The following GPATCH2 variants were observed in gnomAD, a reference collection of about 807,000 sequenced individuals.
GPATCH2 encodes the protein G patch domain-containing protein 2.
In GPATCH2, 51 loss-of-function variants were observed where a neutral mutation model predicts 58.0. That is an observed-to-expected ratio of 0.88 (90% CI 0.70 to 1.11). The LOEUF (loss-of-function observed/expected upper bound fraction) is 1.11. GPATCH2 is among the 50% of genes most tolerant of loss of function. The probability of loss-of-function intolerance (pLI) is 0.00; values close to 1 mark genes in which losing one functional copy is unlikely to be tolerated. For synonymous variants in GPATCH2, 222 were observed against 218.5 expected (o/e 1.02, Z -0.14); for missense variants, 625 against 652.2 (o/e 0.96, Z 0.45).
intron 5 of GPATCH2, among the ~76,000 whole-genome samples, chr1:217,520,010 A>C (rs528476145): frequency 6.6e-6 from 1 of 152,266 alleles, no homozygotes; most frequent in South Asian, 2.1e-4. Flanking sequence ...AATATTAGTA[A>C]ATATAATTCA....
Position 217,523,806 on chromosome 1 carries a change from A to ACC in GPATCH2, c.1099-8919_1099-8918dup, listed in dbSNP as rs558452828. 6.8e-4 allele frequency among the ~76,000 whole-genome samples: 90 copies of ACC among 131,724 alleles called. 1 individual carries two copies. Among genetic ancestry groups the ACC allele is most frequent in the East Asian group, 3.9e-3 (16 of 4,094 alleles). 86.4% of individuals were successfully genotyped at this position (131,724 alleles called of 152,430 possible). ...GGGCGGCTGGCCAGGTGGGGGGCTGACCCCCCCACCTCCCTCCTGGACGGG... is the reference window on the plus strand; with the variant it reads ...GGGCGGCTGGCCAGGTGGGGGGCTGACCCCCCCCCACCTCCCTCCTGGACGGG... On this transcript the variant is annotated intron_variant, in intron 5 of 9. Transcript: ENST00000366935.
intron 1 of GPATCH2, among the ~76,000 whole-genome samples, chr1:217,624,130 C>T (rs568513584): frequency 6.6e-6 from 1 of 152,280 alleles, no homozygotes; most frequent in Admixed American, 6.5e-5. Flanking sequence ...TAACTACACT[C>T]TCCTCCAAGT....
At chr1:217,619,234 T>C (rs1442225603) in intron 2 of GPATCH2, among the ~76,000 whole-genome samples, 1 of 148,038 alleles carries the variant, frequency 6.8e-6, no homozygotes. Context: ...CACAGGACCA[T>C]TGTTTTTCCT....
rs897704262 is a variant in GPATCH2 at position 217,450,411 on chromosome 1, T to C, written c.1278-1074A>G. On this transcript the variant is annotated intron_variant, in intron 8 of 9. Transcript: ENST00000366935. Reference sequence around the variant, plus strand: ...TTCAAGGTATATATTTAAACACATATACTCATATGGTTAAATATAATGAAA... The same window carrying C: ...TTCAAGGTATATATTTAAACACATACACTCATATGGTTAAATATAATGAAA... Among the ~76,000 whole-genome samples, 21 of 152,126 alleles carry C rather than the reference T, an allele frequency of 1.4e-4. 1 individual carries two copies. The highest frequency in any genetic ancestry group is 2.2e-4 in the Non-Finnish European group (15 of 67,986).
chr1:217,433,082 C>T (rs1359220140), intron 9 of GPATCH2, among the ~76,000 whole-genome samples: 1 of 152,060 alleles, frequency 6.6e-6, no homozygotes, highest in Non-Finnish European at 1.5e-5. Context: ...CACCCTGCCC[C>T]TATCCCTTTC....
At chr1:217,488,697 C>G (rs896114758) in intron 8 of GPATCH2, among the ~76,000 whole-genome samples, 2 of 151,522 alleles carry the variant, frequency 1.3e-5, no homozygotes, top group African/African-American at 4.9e-5. Flanking sequence ...TTTTAAAAAA[C>G]TATTTTTTTT....
chr1:217,591,311 G>A (rs889838084), intron 5 of GPATCH2, among the ~76,000 whole-genome samples: 17 of 151,884 alleles, frequency 1.1e-4, no homozygotes, highest in African/African-American at 3.1e-4. Context: ...TTGTGTGTAC[G>A]TGTGTGTGTG....
chr1:217,482,061 G>T (rs1464504885), intron 8 of GPATCH2, among the ~76,000 whole-genome samples: 2 of 152,166 alleles, frequency 1.3e-5, no homozygotes, highest in Admixed American at 6.5e-5. Context: ...CTGAGAGAGA[G>T]AGAGAGGGTC....
intron 5 of GPATCH2, chr1:217,609,252 T>A (rs1251437925): frequency 1.0e-6 from 1 of 983,704 alleles, no homozygotes; most frequent in African/African-American, 1.7e-5. Flanking sequence ...TTTCTGACAC[T>A]CACAGTGACA....
intron 5 of GPATCH2, among the ~76,000 whole-genome samples, chr1:217,526,489 A>G (rs553466093): frequency 5.4e-4 from 82 of 152,366 alleles, no homozygotes; most frequent in African/African-American, 2.0e-3. Flanking sequence ...TGAATAAATG[A>G]GTGAATGAGT....
intron 5 of GPATCH2, among the ~76,000 whole-genome samples, chr1:217,570,240 T>C (rs960432022): frequency 1.3e-5 from 2 of 152,090 alleles, no homozygotes; most frequent in African/African-American, 4.8e-5. Context: ...GTCTCCTGAG[T>C]AGCTGGGACT....
chr1:217,435,582 T>A (rs1435243406), intron 9 of GPATCH2, among the ~76,000 whole-genome samples: 3 of 152,220 alleles, frequency 2.0e-5, no homozygotes, highest in Non-Finnish European at 2.9e-5. Context: ...TATCTTGTAT[T>A]CACAAGGCAT....
chr1:217,538,655 T>C (rs971775322), intron 5 of GPATCH2, among the ~76,000 whole-genome samples: 4 of 152,184 alleles, frequency 2.6e-5, no homozygotes, highest in African/African-American at 9.6e-5. Flanking sequence ...ATTCTGACTG[T>C]GGCTTGGGTT....
intron 5 of GPATCH2, among the ~76,000 whole-genome samples, chr1:217,595,563 G>A (rs902034294): frequency 6.6e-6 from 1 of 151,044 alleles, no homozygotes; most frequent in Non-Finnish European, 1.5e-5. Context: ...GCAATGCTGC[G>A]ATCTCAGCTC....
At chr1:217,571,801 G>T (rs759369439) in intron 5 of GPATCH2, among the ~76,000 whole-genome samples, 2 of 151,246 alleles carry the variant, frequency 1.3e-5, no homozygotes, top group Non-Finnish European at 2.9e-5. Context: ...GCTGAGGCAC[G>T]AGAATCACTT....
At chr1:217,589,228 A>G (rs1571972457) in intron 5 of GPATCH2, among the ~76,000 whole-genome samples, 1 of 152,246 alleles carries the variant, frequency 6.6e-6, no homozygotes, top group African/African-American at 2.4e-5. Flanking sequence ...GAACTGTCCA[A>G]TCTCCAGGCA....
In GPATCH2 at chr1:217,467,353, C is replaced by T. The variant is rs373293618; in HGVS notation, c.1278-18016G>A. Among the ~76,000 whole-genome samples the T allele has an allele frequency of 5.5e-4, 84 of 152,220 alleles. No homozygotes were observed. The South Asian group carries it at 0.017, about 31-fold the overall frequency. On this transcript the variant is annotated intron_variant, in intron 8 of 9. Coordinates refer to ENST00000366935, the MANE Select transcript of GPATCH2 (RefSeq NM_018040.5). ...AAGAAACCTGTTGCTGAAAATGACA[C>T]TAATTATACATTGGTATACCTATAC...
At chr1:217,544,633 G>A (rs1006748745) in intron 5 of GPATCH2, among the ~76,000 whole-genome samples, 1 of 152,114 alleles carries the variant, frequency 6.6e-6, no homozygotes, top group African/African-American at 2.4e-5. Flanking sequence ...CAACTGAGAT[G>A]AACTCTATCA....
At chr1:217,583,399 G>A (rs1249361827) in intron 5 of GPATCH2, among the ~76,000 whole-genome samples, 10 of 151,628 alleles carry the variant, frequency 6.6e-5, no homozygotes, top group East Asian at 1.9e-4. Context: ...GTGAAACCCC[G>A]TCTCTACTAA....
Sources: gnomAD v4.1 joint callset for allele counts (sites outside exome capture counted in the v4.1 genomes callset) on GRCh38, gnomAD v4.1.1 for gene constraint, MANE v1.5 for transcripts, NCBI Gene and HGNC (gene_info 2026-07-23, HGNC 2026-07-21) for gene names.